CDH23: variants seen among roughly 807,000 people sequenced by gnomAD.
The protein encoded by CDH23 is cadherin related 23, also known as cadherin-23.
Under a neutral mutation model 317.1 loss-of-function variants are expected in CDH23, and 189 were observed. The observed-to-expected ratio is 0.60, with a 90% confidence interval of 0.53 to 0.67. The LOEUF is 0.67. Among genes scored for constraint, CDH23 ranks in the 30% least tolerant of loss-of-function variants. CDH23 has a pLI of 0.00. For synonymous variants in CDH23, 1,839 were observed against 1,876.8 expected (o/e 0.98, Z 0.52); for missense variants, 4,401 against 4,592.4 (o/e 0.96, Z 1.20).
At chr10:71,410,547 T>C (rs1429074905) in intron 1 of CDH23, among the ~76,000 whole-genome samples, 1 of 152,204 alleles carries the variant, frequency 6.6e-6, no homozygotes, top group Non-Finnish European at 1.5e-5. Flanking sequence ...GTATAATACA[T>C]GCAGAAAAGT....
chr10:71,716,382 C>T (rs1333239342), intron 28 of CDH23: 2 of 1,446,720 alleles, frequency 1.4e-6, no homozygotes, highest in East Asian at 2.5e-5. Flanking sequence ...GGCAGATCAG[C>T]TGGACCCAGG....
chr10:71,497,168 C>T (rs1198999101), intron 3 of CDH23, among the ~76,000 whole-genome samples: 7 of 152,196 alleles, frequency 4.6e-5, no homozygotes, highest in Admixed American at 6.5e-5. Flanking sequence ...TTTGGATAAT[C>T]TCTTTGTGAG....
intron 45 of CDH23, among the ~76,000 whole-genome samples, 165 bp from the exon 46 acceptor site, chr10:71,790,123 T>C (rs534320289): frequency 6.6e-6 from 1 of 152,300 alleles, no homozygotes; most frequent in South Asian, 2.1e-4. Context: ...GCGTTCAGTC[T>C]GCCAAGGCTG....
intron 4 of CDH23, 99 bp downstream of exon 4, chr10:71,510,323 A>T: frequency 5.1e-6 from 7 of 1,360,344 alleles, no homozygotes; most frequent in Non-Finnish European, 6.1e-6. Flanking sequence ...TTCCTCTAAG[A>T]CCCCATTCTG....
chr10:71,492,255 G>A (rs1211846228), intron 3 of CDH23, among the ~76,000 whole-genome samples: 4 of 152,160 alleles, frequency 2.6e-5, no homozygotes. Context: ...CCTGCCTCCT[G>A]CCCACCCACA....
At chr10:71,624,734 CTATTATTATTAT>C (rs57038733) in intron 11 of CDH23, among the ~76,000 whole-genome samples, 26 of 146,212 alleles carry the variant, frequency 1.8e-4, no homozygotes, top group East Asian at 1.0e-3. Context: ...TAGACATTAG[CTATTATTATTAT>C]TATTATTATT....
chr10:71,443,988 G>T (rs973020602), intron 2 of CDH23, among the ~76,000 whole-genome samples: 1 of 152,256 alleles, frequency 6.6e-6, no homozygotes, highest in Non-Finnish European at 1.5e-5. Flanking sequence ...ATTTAGAAAT[G>T]AACGATGCCA....
chr10:71,439,907 A>G lies in CDH23; in HGVS notation c.67+9A>G, dbSNP rs768245109. The G allele has an allele frequency of 1.3e-6, 2 of 1,566,922 alleles. No individual in the cohort carries two copies. Among genetic ancestry groups the G allele is most frequent in the Non-Finnish European group, 1.7e-6 (2 of 1,154,640 alleles). On this transcript the variant is annotated intron_variant, in intron 2 of 69. Transcript: ENST00000224721. The stretch of plus-strand genomic sequence containing the variant: ...GATCTCTGGATGCTGGGGTAAGTCC[A>G]GTCCTCCCCGTGTCTATCCCATGGG...
intron 51 of CDH23, 91 bp from the exon 52 acceptor site, chr10:71,799,401 G>C: frequency 6.2e-7 from 1 of 1,603,478 alleles, no homozygotes; most frequent in Admixed American, 1.7e-5. Context: ...CCCACGAGCA[G>C]CTTGATGCCT....
intron 1 of CDH23, among the ~76,000 whole-genome samples, chr10:71,398,595 G>A (rs1236763088): frequency 6.6e-6 from 1 of 152,010 alleles, no homozygotes; most frequent in Non-Finnish European, 1.5e-5. Context: ...CCACGATGGG[G>A]AGAGCTGGCT....
At chr10:71,469,072 C>T (rs150115827) in intron 3 of CDH23, among the ~76,000 whole-genome samples, 1 of 152,334 alleles carries the variant, frequency 6.6e-6, no homozygotes, top group African/African-American at 2.4e-5. Context: ...CTGTATCTCC[C>T]TCTACCACTT....
At chr10:71,597,925 G>A (rs921748738) in intron 9 of CDH23, among the ~76,000 whole-genome samples, 10 of 152,158 alleles carry the variant, frequency 6.6e-5, no homozygotes, top group Non-Finnish European at 1.5e-4. Context: ...CAAAGGCGGG[G>A]TAGGCCCAGG....
At position 71,815,368 on chromosome 10, in the gene CDH23, AC is replaced by A; in HGVS notation, c.*93del. ...GCAGGGACAGGGCCGGTCGGGGGGG[AC>A]CCTCCAAGGCCAGGCCTTGGGGACA... On this transcript the variant is annotated 3_prime_UTR_variant, in exon 70 of 70. Transcript: ENST00000224721. 7.9e-7 allele frequency: 1 copy of A among 1,272,418 alleles called. No individual in the cohort carries two copies. The highest frequency in any genetic ancestry group is 1.6e-5 in the South Asian group (1 of 62,018). The allele number at this position is 1,272,418 out of a possible 1,614,324, so 78.8% of individuals were successfully genotyped here. A position where few individuals can be genotyped will look rare whatever the true frequency, so the allele number is the denominator to read the frequency against.
intron 1 of CDH23, among the ~76,000 whole-genome samples, chr10:71,415,942 TC>T (rs1389015077): frequency 1.1e-4 from 17 of 152,244 alleles, no homozygotes; most frequent in African/African-American, 4.1e-4. Flanking sequence ...TTTTTCATTG[TC>T]CCACAAGAAT....
rs536606712 is a variant in CDH23 at position 71,707,341 on chromosome 10, G to T, written c.3106+292G>T. Reference sequence around the variant, plus strand: ...ATTCTAGAGGGAGGTAAGGCCCCATGATTCCTAGGGAGGAGCCCTGAGCCC... The same window carrying T: ...ATTCTAGAGGGAGGTAAGGCCCCATTATTCCTAGGGAGGAGCCCTGAGCCC... On this transcript the variant is annotated intron_variant, in intron 26 of 69. Coordinates refer to ENST00000224721, the MANE Select transcript of CDH23 (RefSeq NM_022124.6). The T allele has an allele frequency of 3.3e-5, 47 of 1,407,376 alleles. No homozygotes were observed. In the East Asian group the frequency reaches 7.7e-4, roughly 23 times the overall value. The allele number at this position is 1,407,376 out of a possible 1,614,324, so 87.2% of individuals were successfully genotyped here.
intron 2 of CDH23, among the ~76,000 whole-genome samples, chr10:71,440,791 C>T (rs943154599): frequency 6.6e-6 from 1 of 152,170 alleles, no homozygotes; most frequent in Non-Finnish European, 1.5e-5. Context: ...GTGGCATCCC[C>T]CAGGGCCATA....
At chr10:71,520,407 G>A (rs995147611) in intron 6 of CDH23, among the ~76,000 whole-genome samples, 40 of 152,330 alleles carry the variant, frequency 2.6e-4, no homozygotes, top group African/African-American at 9.1e-4. Flanking sequence ...TAATCCAGCC[G>A]CACACTCTGT....
At chr10:71,718,438 C>G (rs1337175425) in intron 28 of CDH23, among the ~76,000 whole-genome samples, 1 of 148,294 alleles carries the variant, frequency 6.7e-6, no homozygotes, top group East Asian at 2.1e-4. Flanking sequence ...AAGTGTGATG[C>G]CCGTCTAGCT....
chr10:71,758,949 A>C (rs1275044750), intron 38 of CDH23, among the ~76,000 whole-genome samples: 3 of 151,418 alleles, frequency 2.0e-5, no homozygotes, highest in Non-Finnish European at 4.4e-5. Flanking sequence ...GGCTCACTGC[A>C]ACTTCTGCCT....
Sources: allele counts gnomAD v4.1 joint callset (sites outside exome capture counted in the v4.1 genomes callset), GRCh38; gene constraint gnomAD v4.1.1; transcripts MANE v1.5; gene names NCBI Gene and HGNC (gene_info 2026-07-23, HGNC 2026-07-21).